Variants in KPNA7 observed in about 807,000 individuals in gnomAD.
KPNA7 encodes karyopherin subunit alpha 7.
A neutral mutation model predicts 53.7 loss-of-function variants in KPNA7; 54 were observed. The observed-to-expected ratio is 1.01, with a 90% CI of 0.81 to 1.26. The LOEUF is 1.26. KPNA7 is among the 50% of genes most tolerant of loss of function. The pLI is 0.00. For synonymous variants in KPNA7, 276 were observed against 259.3 expected (o/e 1.06, Z -0.62); for missense variants, 640 against 644.5 (o/e 0.99, Z 0.07).
Position 99,180,617 on chromosome 7 carries a change from A to ATCTCTCTCTCCCCG in KPNA7, c.1317+1252_1317+1265dup, listed in dbSNP as rs71108421. Among the ~76,000 whole-genome samples, 110 of 121,004 alleles carry ATCTCTCTCTCCCCG rather than the reference A, an allele frequency of 9.1e-4. 2 individuals are homozygous for ATCTCTCTCTCCCCG. Among genetic ancestry groups the ATCTCTCTCTCCCCG allele is most frequent in the African/African-American group, 3.4e-3 (107 of 31,892 alleles). The allele number at this position is 121,004 out of a possible 152,430, so 79.4% of individuals were successfully genotyped here. ...TCTCTCCGTCTCTGTCTCTCTCCCC[A>ATCTCTCTCTCCCCG]TCTCTCTCTCCCCGTCTCTCTCTCC... On this transcript the variant is annotated intron_variant, in intron 9 of 10. Transcript: ENST00000327442.
At chr7:99,198,732 G>A (rs1790356334) in intron 3 of KPNA7, among the ~76,000 whole-genome samples, 2 of 152,096 alleles carry the variant, frequency 1.3e-5, no homozygotes, top group South Asian at 4.1e-4. Context: ...CAAGGATATT[G>A]CTCTTTTCAC....
At chr7:99,206,728 C>A (rs1158989113) in intron 2 of KPNA7, among the ~76,000 whole-genome samples, 2 of 152,078 alleles carry the variant, frequency 1.3e-5, no homozygotes, top group Non-Finnish European at 1.5e-5. Context: ...TTGGCCTCCC[C>A]CAAAGTACTG....
the KPNA7 span, among the ~76,000 whole-genome samples, chr7:99,165,848 C>T: frequency 2.6e-5 from 4 of 152,212 alleles, no homozygotes; most frequent in South Asian, 2.1e-4. Flanking sequence ...GATAGGGTTT[C>T]GATTTGTGTC....
chr7:99,206,213 T>G (rs999764212), intron 2 of KPNA7, among the ~76,000 whole-genome samples: 7 of 152,060 alleles, frequency 4.6e-5, no homozygotes, highest in African/African-American at 1.7e-4. Context: ...CTGGATGGAG[T>G]GCAGTGGCAC....
intron 8 of KPNA7, among the ~76,000 whole-genome samples, chr7:99,183,225 C>G (rs1341987883): frequency 6.6e-6 from 1 of 152,036 alleles, no homozygotes; most frequent in Non-Finnish European, 1.5e-5. Context: ...GCACTCCAGT[C>G]TGGGTGACAG....
chr7:99,184,844 CACCTG>C, intron 8 of KPNA7, 80 bp downstream of exon 8: 1 of 1,125,882 alleles, frequency 8.9e-7, no homozygotes, highest in Non-Finnish European at 1.3e-6. Context: ...TTTGCTTCTG[CACCTG>C]TGTCTGGATT....
the KPNA7 span, among the ~76,000 whole-genome samples, chr7:99,152,905 TAAAG>T: frequency 2.0e-5 from 3 of 152,222 alleles, no homozygotes; most frequent in Non-Finnish European, 2.9e-5. Flanking sequence ...TATTTTTCAC[TAAAG>T]AAAGACTGTA....
upstream of KPNA7, among the ~76,000 whole-genome samples, chr7:99,212,737 T>TA (rs1045175172): frequency 7.9e-5 from 12 of 151,394 alleles, no homozygotes; most frequent in African/African-American, 2.9e-4. Context: ...CAAAAAAGAT[T>TA]AAAAAAATTA....
In KPNA7 at chr7:99,181,990, T is replaced by C. The variant is rs1426278087; in HGVS notation, c.1210A>G (p.Ile404Val). 6.4e-7 allele frequency: 1 copy of C among 1,551,122 alleles called. No homozygotes were observed. The highest frequency in any genetic ancestry group is 8.7e-7 in the Non-Finnish European group (1 of 1,146,542). ...FATGATMDQLIQLVHSGVLEP... is the reference protein window; with the variant it reads ...FATGATMDQLVQLVHSGVLEP... ...AGGACCCCAGAGTGGACGAGCTGGATCAGCTGATCCATGGTGGCCCCTGTT... is the reference window on the plus strand; with the variant it reads ...AGGACCCCAGAGTGGACGAGCTGGACCAGCTGATCCATGGTGGCCCCTGTT... The change falls in exon 9 of 11, where the codon ATC becomes GTC. Residue 404 changes from isoleucine to valine, a missense_variant. By Grantham distance (29) the Ile-to-Val change is conservative. Coordinates refer to ENST00000327442, the MANE Select transcript of KPNA7 (RefSeq NM_001145715.3).
At position 99,189,635 on chromosome 7, in the gene KPNA7, T is replaced by G. The variant is rs572832686; in HGVS notation, c.637-1072A>C. On this transcript the variant is annotated intron_variant, in intron 6 of 10. Coordinates refer to ENST00000327442, the MANE Select transcript of KPNA7 (RefSeq NM_001145715.3). ...CCAATTGTTGGGGTTTTTTGTTTGT[T>G]TGTTGAGACAGGGTCTCACTCTGTT... Among the ~76,000 whole-genome samples the G allele has an allele frequency of 1.2e-4, 19 of 152,242 alleles. No individual in the cohort carries two copies. The South Asian group carries it at 3.3e-3, about 27-fold the overall frequency.
rs754079455 is a variant in KPNA7, at chr7:99,203,242, T to C, written c.67-2A>G. On this transcript the variant is annotated splice_acceptor_variant, in intron 2 of 10. Coordinates refer to ENST00000327442, the MANE Select transcript of KPNA7 (RefSeq NM_001145715.3). LOFTEE classifies it high-confidence loss of function. ...CGCCATCCTCTGCTGTCGCCTCAGC[T>C]AGTGAGGAAAAGAAATTGGAGCATT... is the stretch of plus-strand genomic sequence containing the variant. 6.5e-7 allele frequency: 1 copy of C among 1,549,826 alleles called. No homozygotes were observed. Among genetic ancestry groups the C allele is most frequent in the Non-Finnish European group, 8.7e-7 (1 of 1,145,400 alleles).
chr7:99,170,756 A>C (rs1798756840), downstream of KPNA7, among the ~76,000 whole-genome samples: 1 of 152,200 alleles, frequency 6.6e-6, no homozygotes, highest in African/African-American at 2.4e-5. Context: ...ACAACCTACA[A>C]ATTTCAGTCA....
chr7:99,192,994 A>G (rs1261288769), intron 6 of KPNA7, 25 bp downstream of exon 6: 13 of 1,453,200 alleles, frequency 8.9e-6, no homozygotes, highest in Non-Finnish European at 1.1e-5. Context: ...TAAAAAAAAA[A>G]AAAGAGAAAG....
intron 3 of KPNA7, among the ~76,000 whole-genome samples, chr7:99,200,324 C>T (rs1790450954): frequency 6.6e-6 from 1 of 152,202 alleles, no homozygotes; most frequent in Non-Finnish European, 1.5e-5. Context: ...AGGCATGAGC[C>T]ACCATGCCCG....
chr7:99,186,508 C>A (rs1419788751), intron 7 of KPNA7, among the ~76,000 whole-genome samples: 1 of 152,038 alleles, frequency 6.6e-6, no homozygotes, highest in Non-Finnish European at 1.5e-5. Context: ...TTTGGGAGGC[C>A]GAGGCGGATG....
intron 9 of KPNA7, among the ~76,000 whole-genome samples, chr7:99,181,360 TCATA>T (rs1052065576): frequency 2.6e-5 from 4 of 152,200 alleles, no homozygotes; most frequent in Non-Finnish European, 5.9e-5. Context: ...GTCACTCCCC[TCATA>T]CATAATGTCC....
rs1381214843 is a variant in KPNA7, at chr7:99,180,727, GTCTC to G, written c.1317+1152_1317+1155del. ...TGTGTCTCTCTCTCTCTCCGTCTGT[GTCTC>G]TCTCTCTCCCCGTGTCTCTCTCTCT... On this transcript the variant is annotated intron_variant, in intron 9 of 10. Coordinates refer to ENST00000327442, the MANE Select transcript of KPNA7 (RefSeq NM_001145715.3). Among the ~76,000 whole-genome samples, 8 of 89,542 alleles carry G rather than the reference GTCTC, an allele frequency of 8.9e-5. 2 individuals carry two copies. The highest frequency in any genetic ancestry group is 1.6e-4 in the Non-Finnish European group (7 of 45,114). The allele number at this position is 89,542 out of a possible 152,430, so 58.7% of individuals were successfully genotyped here.
At chr7:99,207,534 T>A in intron 1 of KPNA7, 45 bp from the exon 2 acceptor site, 1 of 998,488 alleles carries the variant, frequency 1.0e-6, no homozygotes, top group Non-Finnish European at 1.5e-6. Flanking sequence ...GCCCATTGTG[T>A]GGGTTATTAT....
intron 1 of KPNA7, among the ~76,000 whole-genome samples, chr7:99,215,643 G>A (rs936167202): frequency 6.6e-6 from 1 of 151,968 alleles, no homozygotes; most frequent in Non-Finnish European, 1.5e-5. Flanking sequence ...CCCTTCACAT[G>A]GCTGTTGGCA....
Sources: allele counts gnomAD v4.1 joint callset (sites outside exome capture counted in the v4.1 genomes callset), GRCh38; gene constraint gnomAD v4.1.1; transcripts MANE v1.5; gene names NCBI Gene and HGNC (gene_info 2026-07-23, HGNC 2026-07-21).